The following FAT3 variants were observed in gnomAD, a reference collection of about 807,000 sequenced individuals.
FAT3 encodes FAT atypical cadherin 3, also known as protocadherin Fat 3.
Under a neutral mutation model 310.2 loss-of-function variants are expected in FAT3, and 95 were observed. The observed-to-expected ratio is 0.31, with a 90% CI of 0.26 to 0.36. The LOEUF (loss-of-function observed/expected upper bound fraction) is 0.36, where lower values mean the gene tolerates loss of function less well. FAT3 is among the 10% of genes least tolerant of loss of function. The pLI, the probability that FAT3 is intolerant of heterozygous loss-of-function variation, is 1.00. For missense variants in FAT3, 5,408 were observed against 5,715.6 expected (o/e 0.95, Z 1.74); for synonymous variants, 2,314 against 2,192.9 (o/e 1.06, Z -1.54).
At chr11:92,535,095 G>A (rs917547929) in intron 3 of FAT3, among the ~76,000 whole-genome samples, 1 of 152,126 alleles carries the variant, frequency 6.6e-6, no homozygotes, top group African/African-American at 2.4e-5. Context: ...AAGAGGGTAA[G>A]GTCAGAGATA....
chr11:92,750,196 GATA>G (rs1328255741), intron 4 of FAT3, among the ~76,000 whole-genome samples: 2 of 152,084 alleles, frequency 1.3e-5, no homozygotes, highest in Non-Finnish European at 2.9e-5. Context: ...TGAGACTTTT[GATA>G]ATGAGAGGGG....
At chr11:92,231,458 ATTCT>A (rs1280413261) in intron 1 of FAT3, among the ~76,000 whole-genome samples, 1 of 152,138 alleles carries the variant, frequency 6.6e-6, no homozygotes, top group Non-Finnish European at 1.5e-5. Flanking sequence ...ATTTCAGTTA[ATTCT>A]TTCTTTCTTT....
chr11:92,717,751 C>T (rs1183785905), intron 4 of FAT3, among the ~76,000 whole-genome samples: 2 of 152,092 alleles, frequency 1.3e-5, no homozygotes, highest in African/African-American at 4.8e-5. Flanking sequence ...TATGCAGGTT[C>T]TGTGGTCAAT....
chr11:92,857,581 G>A (rs1949014371), intron 20 of FAT3, among the ~76,000 whole-genome samples: 1 of 152,210 alleles, frequency 6.6e-6, no homozygotes, highest in Non-Finnish European at 1.5e-5. Flanking sequence ...ATAATGGAGA[G>A]ACTGCAACAT....
chr11:92,322,477 A>AAT (rs1947649859), intron 1 of FAT3, among the ~76,000 whole-genome samples: 1 of 152,142 alleles, frequency 6.6e-6, no homozygotes, highest in Non-Finnish European at 1.5e-5. Flanking sequence ...ACAACAATGA[A>AAT]ATTGTCCTCA....
intron 1 of FAT3, among the ~76,000 whole-genome samples, chr11:92,284,946 C>T (rs561556740): frequency 8.4e-4 from 128 of 152,196 alleles, no homozygotes; most frequent in African/African-American, 2.9e-3. Context: ...CAGGAGTTTT[C>T]GTCTAGATTG....
intron 2 of FAT3, among the ~76,000 whole-genome samples, chr11:92,359,819 T>G (rs1948834012): frequency 6.9e-6 from 1 of 144,120 alleles, no homozygotes; most frequent in African/African-American, 2.6e-5. Flanking sequence ...TCGTCATTTT[T>G]TATGGCTGCA....
chr11:92,809,211 GCTC>G (rs1947595569), intron 12 of FAT3, among the ~76,000 whole-genome samples: 1 of 152,184 alleles, frequency 6.6e-6, no homozygotes, highest in Non-Finnish European at 1.5e-5. Context: ...GCTTTTCCAT[GCTC>G]CTCAAGTTTT....
intron 2 of FAT3, among the ~76,000 whole-genome samples, chr11:92,409,595 AGCT>A (rs1397556779): frequency 6.6e-6 from 1 of 152,136 alleles, no homozygotes; most frequent in Non-Finnish European, 1.5e-5. Flanking sequence ...GAGGAAAAAA[AGCT>A]GTGTTTTAAA....
intron 3 of FAT3, among the ~76,000 whole-genome samples, chr11:92,625,109 G>C (rs1339872352): frequency 2.0e-5 from 3 of 152,162 alleles, no homozygotes; most frequent in Non-Finnish European, 4.4e-5. Context: ...GCCATTCCCT[G>C]AGACAGAGAA....
At chr11:92,352,062 A>T in intron 1 of FAT3, 34 bp from the exon 2 acceptor site, 8 of 1,227,688 alleles carry the variant, frequency 6.5e-6, no homozygotes, top group Non-Finnish European at 8.4e-6. Flanking sequence ...AGGATGGTTA[A>T]TTTATCTTTT....
intron 13 of FAT3, among the ~76,000 whole-genome samples, chr11:92,831,135 C>T (rs1253168775): frequency 2.0e-5 from 3 of 152,162 alleles, no homozygotes; most frequent in Admixed American, 2.0e-4. Flanking sequence ...TGGCTTCCCC[C>T]TCACCACCAC....
intron 1 of FAT3, among the ~76,000 whole-genome samples, chr11:92,229,798 T>C (rs1180801016): frequency 2.0e-5 from 3 of 149,860 alleles, no homozygotes; most frequent in East Asian, 1.9e-4. Context: ...TTTTTTTCTT[T>C]TTTTTTTTTT....
chr11:92,886,791 A>G (rs1328194084), intron 24 of FAT3: 3 of 543,086 alleles, frequency 5.5e-6, no homozygotes, highest in South Asian at 4.5e-5. Flanking sequence ...ACTATGGGCT[A>G]AGGGTTTCGA....
intron 2 of FAT3, among the ~76,000 whole-genome samples, chr11:92,377,454 A>G (rs750362985): frequency 2.6e-5 from 4 of 152,198 alleles, no homozygotes; most frequent in Non-Finnish European, 4.4e-5. Flanking sequence ...TCAGCTGCCC[A>G]GATAAAAAGT....
Position 92,691,541 on chromosome 11 carries a change from G to A in FAT3, c.3608-5843G>A, listed in dbSNP as rs140864109. The stretch of plus-strand genomic sequence containing the variant: ...CTCCCAAGTAGCTGGAACTATAGGT[G>A]CCTGTCTAATTATTATTATTAAAGA... On this transcript the variant is annotated intron_variant, in intron 3 of 27. Transcript: ENST00000525166. Among the ~76,000 whole-genome samples, 761 of 152,082 alleles carry A rather than the reference G, an allele frequency of 5.0e-3. 6 individuals are homozygous for A. Among genetic ancestry groups the A allele is most frequent in the African/African-American group, 0.015 (626 of 41,480 alleles).
intron 1 of FAT3, among the ~76,000 whole-genome samples, chr11:92,282,751 G>A (rs908377060): frequency 2.6e-5 from 4 of 151,910 alleles, no homozygotes; most frequent in Non-Finnish European, 5.9e-5. Context: ...CTAAGTGTAC[G>A]AAACATCTTG....
chr11:92,337,763 A>G (rs370920412), intron 1 of FAT3, among the ~76,000 whole-genome samples: 1 of 152,218 alleles, frequency 6.6e-6, no homozygotes, highest in Admixed American at 6.5e-5. Flanking sequence ...AGTATAGTCT[A>G]TTGGATTATT....
chr11:92,866,676 A>G, intron 21 of FAT3, 65 bp from the exon 22 acceptor site: 1 of 1,434,176 alleles, frequency 7.0e-7, no homozygotes, highest in Non-Finnish European at 9.4e-7. Flanking sequence ...GGCCAGGAGC[A>G]GGGTGTAGGG....
Sources: gnomAD v4.1 joint callset for allele counts (sites outside exome capture counted in the v4.1 genomes callset) on GRCh38, gnomAD v4.1.1 for gene constraint, MANE v1.5 for transcripts, NCBI Gene and HGNC (gene_info 2026-07-23, HGNC 2026-07-21) for gene names.